LGSN: variants seen among roughly 807,000 people sequenced by gnomAD.
LGSN encodes lengsin.
Under a neutral mutation model 19.5 loss-of-function variants are expected in LGSN, and 21 were observed. The ratio of observed to expected loss-of-function variants is 1.07; its 90% CI spans 0.76 to 1.55. LGSN has a LOEUF of 1.55. LGSN is among the 40% of genes most tolerant of loss of function. The pLI, the probability that LGSN is intolerant of heterozygous loss-of-function variation, is 0.00. For missense variants in LGSN, 673 were observed against 608.5 expected, an observed-to-expected ratio of 1.11 and a Z score of -1.12; for synonymous variants, 257 against 215.6, an observed-to-expected ratio of 1.19 and a Z score of -1.68.
the LGSN span, among the ~76,000 whole-genome samples, chr6:63,355,510 T>G: frequency 6.6e-6 from 1 of 152,128 alleles, no homozygotes; most frequent in African/African-American, 2.4e-5. Flanking sequence ...CAACAGAAAT[T>G]TATTGTGTCA....
At chr6:63,505,568 AGAAAG>A in the LGSN span, among the ~76,000 whole-genome samples, 1 of 32,304 alleles carries the variant, frequency 3.1e-5, no homozygotes, top group African/African-American at 7.8e-5. Context: ...AAAAAAAAAA[AGAAAG>A]AAAGAAAGAA....
chr6:63,350,843 TA>T, the LGSN span, among the ~76,000 whole-genome samples: 223 of 138,038 alleles, frequency 1.6e-3, no homozygotes, highest in East Asian at 5.2e-3. Flanking sequence ...CAGAGCCATC[TA>T]AAAAAAAAAA....
chr6:63,298,153 T>C (rs1768050911), intron 1 of LGSN, among the ~76,000 whole-genome samples: 1 of 152,196 alleles, frequency 6.6e-6, no homozygotes, highest in South Asian at 2.1e-4. Flanking sequence ...GAAGTAGAGC[T>C]TCCAGCAACC....
chr6:63,357,937 G>T, the LGSN span, among the ~76,000 whole-genome samples: 10 of 152,120 alleles, frequency 6.6e-5, no homozygotes, highest in African/African-American at 2.2e-4. Context: ...TAATGCCTAG[G>T]TTTTCTTCTA....
At chr6:63,303,872 A>C (rs764895918) in intron 1 of LGSN, among the ~76,000 whole-genome samples, 1 of 152,176 alleles carries the variant, frequency 6.6e-6, no homozygotes, top group Non-Finnish European at 1.5e-5. Context: ...CACTTGTTAG[A>C]GACCTTAAGG....
chr6:63,293,724 G>C (rs1413379745), intron 2 of LGSN: 2 of 456,540 alleles, frequency 4.4e-6, no homozygotes, highest in Non-Finnish European at 8.8e-6. Flanking sequence ...GGGGGGCAAA[G>C]GTTTTATCAC....
chr6:63,446,935 G>A, the LGSN span, among the ~76,000 whole-genome samples: 1 of 152,102 alleles, frequency 6.6e-6, no homozygotes, highest in Non-Finnish European at 1.5e-5. Context: ...TGTAATCCCA[G>A]CTACTCAGGA....
chr6:63,343,854 G>C, the LGSN span, among the ~76,000 whole-genome samples: 3 of 152,196 alleles, frequency 2.0e-5, no homozygotes, highest in African/African-American at 7.2e-5. Context: ...GGGAAATTCA[G>C]AGAGGTAGGA....
chr6:63,433,847 A>C, the LGSN span, among the ~76,000 whole-genome samples: 1 of 152,222 alleles, frequency 6.6e-6, no homozygotes, highest in African/African-American at 2.4e-5. Flanking sequence ...ATATTTAAAC[A>C]GTTTTAAGTA....
intron 1 of LGSN, 95 bp downstream of exon 1, chr6:63,319,819 C>T: frequency 2.4e-6 from 2 of 838,382 alleles, no homozygotes; most frequent in East Asian, 2.6e-5. Flanking sequence ...AATTATGCTG[C>T]CCTTATTCTT....
chr6:63,452,623 G>A, the LGSN span, among the ~76,000 whole-genome samples: 3 of 150,340 alleles, frequency 2.0e-5, no homozygotes, highest in South Asian at 2.1e-4. Flanking sequence ...TGATGTCCCC[G>A]ATTTTATTCC....
the LGSN span, among the ~76,000 whole-genome samples, chr6:63,355,337 G>C: frequency 6.6e-6 from 1 of 152,136 alleles, no homozygotes; most frequent in Admixed American, 6.5e-5. Context: ...AAGTACTTGG[G>C]GCACAAAAGT....
At chr6:63,480,162 C>G in the LGSN span, 69 of 217,180 alleles carry the variant, frequency 3.2e-4, no homozygotes, top group Non-Finnish European at 4.6e-4. Flanking sequence ...AAAAGCCCCA[C>G]TGGCCTCCAG....
chr6:63,413,947 G>A, the LGSN span, among the ~76,000 whole-genome samples: 1 of 151,936 alleles, frequency 6.6e-6, no homozygotes, highest in Non-Finnish European at 1.5e-5. Context: ...AATATTAGAG[G>A]CAAGAGGATT....
intron 2 of LGSN, among the ~76,000 whole-genome samples, chr6:63,291,354 TAGA>T (rs1336909929): frequency 1.3e-5 from 2 of 152,088 alleles, no homozygotes; most frequent in African/African-American, 4.8e-5. Flanking sequence ...TCACATGGAC[TAGA>T]AGGATGGTGA....
chr6:63,325,493 A>G, the LGSN span, among the ~76,000 whole-genome samples: 9 of 152,222 alleles, frequency 5.9e-5, no homozygotes, highest in African/African-American at 2.2e-4. Flanking sequence ...AATCTAGAGG[A>G]AAAGGAGAAA....
At chr6:63,433,291 C>A in the LGSN span, among the ~76,000 whole-genome samples, 1 of 152,162 alleles carries the variant, frequency 6.6e-6, no homozygotes, top group African/African-American at 2.4e-5. Flanking sequence ...TAGCAACAGA[C>A]AATATCTTAA....
chr6:63,437,378 T>A, the LGSN span, among the ~76,000 whole-genome samples: 8 of 152,138 alleles, frequency 5.3e-5, no homozygotes, highest in African/African-American at 1.7e-4. Context: ...TGCTTTGCAC[T>A]CCCCACAGTA....
At position 63,278,749 on chromosome 6, in the gene LGSN, A is replaced by C. The variant is rs1213297411; in HGVS notation, c.*1272T>G. 6.6e-6 allele frequency: 1 copy of C among 151,974 alleles called. No individual in the cohort carries two copies. The highest frequency in any genetic ancestry group is 1.5e-5 in the Non-Finnish European group (1 of 68,026). The allele number at this position is 151,974 out of a possible 1,614,324, so 9.4% of individuals were successfully genotyped here. On this transcript the variant is annotated 3_prime_UTR_variant, in exon 4 of 4. Coordinates refer to ENST00000370657, the MANE Select transcript of LGSN (RefSeq NM_016571.3). ...ACTTTCTTCTTATGTATCCAAACAC[A>C]CTTCTCCTGCTCAAAGGAAAAAAGA...
Sources: gnomAD v4.1 joint callset for allele counts (sites outside exome capture counted in the v4.1 genomes callset) on GRCh38, gnomAD v4.1.1 for gene constraint, MANE v1.5 for transcripts, NCBI Gene and HGNC (gene_info 2026-07-23, HGNC 2026-07-21) for gene names.